NRP1: variants seen among roughly 807,000 people sequenced by gnomAD.
NRP1 encodes neuropilin 1.
Under a neutral mutation model 106.7 loss-of-function variants are expected in NRP1, and 35 were observed. That is an observed-to-expected ratio of 0.33 (90% CI 0.25 to 0.43). The LOEUF (loss-of-function observed/expected upper bound fraction) is 0.43, where lower values mean the gene tolerates loss of function less well. Ranked by LOEUF, NRP1 falls within the 20% of genes least tolerant of loss-of-function variation. The probability of loss-of-function intolerance (pLI) is 1.00; values close to 1 mark genes in which losing one functional copy is unlikely to be tolerated. For synonymous variants in NRP1, 437 were observed against 417.9 expected (o/e 1.05, Z -0.56); for missense variants, 1,024 against 1,170.4 (o/e 0.87, Z 1.83).
chr10:33,190,325 G>A (rs1467358395), intron 13 of NRP1, among the ~76,000 whole-genome samples: 1 of 152,118 alleles, frequency 6.6e-6, no homozygotes, highest in Non-Finnish European at 1.5e-5. Context: ...TTGGCTAATT[G>A]CATTTAGTTA....
intron 9 of NRP1, chr10:33,213,158 C>A: frequency 8.2e-7 from 1 of 1,225,364 alleles, no homozygotes; most frequent in Non-Finnish European, 1.1e-6. Context: ...TCCCTACAGC[C>A]AGGGAATGGG....
At chr10:33,270,482 A>G (rs577511051) in intron 3 of NRP1, among the ~76,000 whole-genome samples, 193 bp downstream of exon 3, 1 of 152,212 alleles carries the variant, frequency 6.6e-6, no homozygotes, top group African/African-American at 2.4e-5. Flanking sequence ...ATATGCCATC[A>G]TGCCTGGCTA....
chr10:33,243,638 G>A (rs966117531), intron 6 of NRP1, among the ~76,000 whole-genome samples: 6 of 151,474 alleles, frequency 4.0e-5, no homozygotes, highest in Non-Finnish European at 8.8e-5. Flanking sequence ...ATACATAAGT[G>A]CATTTTTCAC....
At chr10:33,307,372 C>T (rs1047551522) in intron 2 of NRP1, among the ~76,000 whole-genome samples, 8 of 152,186 alleles carry the variant, frequency 5.3e-5, no homozygotes, top group South Asian at 2.1e-4. Flanking sequence ...GTATGACGGA[C>T]GAGCTGAACA....
intron 2 of NRP1, among the ~76,000 whole-genome samples, chr10:33,271,102 T>C (rs1209685413): frequency 6.6e-6 from 1 of 152,194 alleles, no homozygotes; most frequent in Non-Finnish European, 1.5e-5. Flanking sequence ...TCCATTATAC[T>C]TGCAGACAAT....
At chr10:33,242,685 A>C (rs1008747827) in intron 6 of NRP1, among the ~76,000 whole-genome samples, 1 of 152,148 alleles carries the variant, frequency 6.6e-6, no homozygotes, top group Admixed American at 6.5e-5. Flanking sequence ...TTTTATTTCC[A>C]GATCCTCAAA....
chr10:33,198,589 T>A (rs1836981846), intron 11 of NRP1, among the ~76,000 whole-genome samples: 1 of 151,968 alleles, frequency 6.6e-6, no homozygotes, highest in African/African-American at 2.4e-5. Flanking sequence ...AGCAAAGGCC[T>A]CTGAAAAAGC....
intron 6 of NRP1, among the ~76,000 whole-genome samples, chr10:33,226,905 C>A (rs1208622551): frequency 5.9e-5 from 9 of 152,138 alleles, no homozygotes; most frequent in Non-Finnish European, 1.3e-4. Context: ...TCATGTCTCC[C>A]TGAAATATAT....
intron 11 of NRP1, among the ~76,000 whole-genome samples, chr10:33,200,715 T>C (rs763204712): frequency 3.3e-5 from 5 of 152,228 alleles, no homozygotes. Context: ...GCATAGGAGA[T>C]GTGTAGTTTC....
intron 2 of NRP1, among the ~76,000 whole-genome samples, chr10:33,298,621 T>C (rs545422018): frequency 1.2e-4 from 18 of 152,298 alleles, no homozygotes; most frequent in African/African-American, 4.3e-4. Context: ...GCATCGTCCT[T>C]GGCTGCATGT....
intron 13 of NRP1, 118 bp downstream of exon 13, chr10:33,192,163 G>A (rs1836461925): frequency 1.7e-5 from 17 of 1,028,898 alleles, no homozygotes; most frequent in South Asian, 1.5e-4. Flanking sequence ...ACATGTGAAC[G>A]CCTGTAGTAA....
chr10:33,323,257 A>G (rs931184838), intron 2 of NRP1, among the ~76,000 whole-genome samples: 29 of 152,098 alleles, frequency 1.9e-4, no homozygotes, highest in African/African-American at 6.5e-4. Flanking sequence ...AAAACCAGTC[A>G]TAATTATTCC....
At chr10:33,210,118 T>A (rs531010325) in intron 9 of NRP1, among the ~76,000 whole-genome samples, 10 of 152,314 alleles carry the variant, frequency 6.6e-5, no homozygotes, top group African/African-American at 2.4e-4. Context: ...ATTGGCCTTT[T>A]CCAACTCAGA....
intron 2 of NRP1, among the ~76,000 whole-genome samples, chr10:33,321,629 C>T (rs989341576): frequency 1.3e-5 from 2 of 152,120 alleles, no homozygotes; most frequent in Non-Finnish European, 2.9e-5. Flanking sequence ...GATTTTGACC[C>T]CGTCTTAATT....
intron 2 of NRP1, among the ~76,000 whole-genome samples, chr10:33,307,373 G>A (rs887193789): frequency 6.6e-6 from 1 of 152,076 alleles, no homozygotes; most frequent in Non-Finnish European, 1.5e-5. Flanking sequence ...TATGACGGAC[G>A]AGCTGAACAG....
intron 2 of NRP1, among the ~76,000 whole-genome samples, chr10:33,295,859 TATTATGCTA>T (rs1189541807): frequency 1.3e-5 from 2 of 152,212 alleles, no homozygotes; most frequent in Non-Finnish European, 2.9e-5. Context: ...AAGGGCTGCC[TATTATGCTA>T]AAACTCAAGG....
intron 2 of NRP1, among the ~76,000 whole-genome samples, chr10:33,287,426 G>T (rs1026076890): frequency 6.6e-6 from 1 of 152,142 alleles, no homozygotes; most frequent in African/African-American, 2.4e-5. Context: ...AGGATTCTTA[G>T]CATGTACGAC....
At chr10:33,299,022 A>C (rs1845614464) in intron 2 of NRP1, among the ~76,000 whole-genome samples, 1 of 152,098 alleles carries the variant, frequency 6.6e-6, no homozygotes. Context: ...GGTTTGTTTT[A>C]TACTTTAAGG....
At chr10:33,220,041 A>G (rs1319199103) in intron 8 of NRP1, among the ~76,000 whole-genome samples, 3 of 152,180 alleles carry the variant, frequency 2.0e-5, no homozygotes, top group Non-Finnish European at 4.4e-5. Flanking sequence ...TCTCCACCCA[A>G]TTCCTGCCTC....
Sources: allele counts gnomAD v4.1 joint callset (sites outside exome capture counted in the v4.1 genomes callset), GRCh38; gene constraint gnomAD v4.1.1; transcripts MANE v1.5; gene names NCBI Gene and HGNC (gene_info 2026-07-23, HGNC 2026-07-21).